Variants in ALDH5A1 observed in about 807,000 individuals in gnomAD.
The protein encoded by ALDH5A1 is aldehyde dehydrogenase 5 family member A1.
In ALDH5A1, 33 loss-of-function variants were observed where a neutral mutation model predicts 54.7. The ratio of observed to expected loss-of-function variants is 0.60; its 90% CI spans 0.46 to 0.81. The LOEUF (loss-of-function observed/expected upper bound fraction) is 0.81. Ranked by LOEUF, ALDH5A1 falls within the 30% of genes least tolerant of loss-of-function variation. The pLI, the probability that ALDH5A1 is intolerant of heterozygous loss-of-function variation, is 0.00. For synonymous variants in ALDH5A1, 294 were observed against 292.7 expected (o/e 1.00, Z -0.05); for missense variants, 657 against 711.0 (o/e 0.92, Z 0.86).
chr6:24,516,440 CAA>C lies in ALDH5A1; in HGVS notation c.870+1148_870+1149del, dbSNP rs34722994. Among the ~76,000 whole-genome samples, 3 of 70,172 alleles carry C rather than the reference CAA, an allele frequency of 4.3e-5. No individual in the cohort carries two copies. In the Admixed American group the frequency reaches 5.9e-4, roughly 14 times the overall value. The allele number at this position is 70,172 out of a possible 152,430, so 46.0% of individuals were successfully genotyped here. ...TGGGCGACAGAGTGAGACTCTGTCT[CAA>C]AAAAAAAAAAAAAAAAATTAAAAAT... On this transcript the variant is annotated intron_variant, in intron 5 of 9. Transcript: ENST00000357578.
intron 2 of ALDH5A1, 53 bp downstream of exon 2, chr6:24,502,659 C>A (rs994180999): frequency 2.3e-5 from 33 of 1,448,674 alleles, no homozygotes; most frequent in Non-Finnish European, 1.7e-5. Context: ...GGAATTTTTA[C>A]ACTAAACTTG....
At chr6:24,530,730 A>G (rs1759921221) in intron 8 of ALDH5A1, among the ~76,000 whole-genome samples, 1 of 152,244 alleles carries the variant, frequency 6.6e-6, no homozygotes, top group African/African-American at 2.4e-5. Context: ...TGGTGTTGCC[A>G]TTGCCTACAC....
chr6:24,523,320 A>G (rs956101480), intron 7 of ALDH5A1, among the ~76,000 whole-genome samples: 1 of 152,102 alleles, frequency 6.6e-6, no homozygotes, highest in Non-Finnish European at 1.5e-5. Context: ...AATAAGTAAA[A>G]AATTAATAAT....
At chr6:24,499,101 CAA>C (rs35062384) in intron 1 of ALDH5A1, among the ~76,000 whole-genome samples, 1,491 of 91,214 alleles carry the variant, frequency 0.016, 11 homozygotes, top group Non-Finnish European at 0.023. Context: ...GACTCTGTCT[CAA>C]AAAAAAAAAA....
intron 6 of ALDH5A1, 100 bp downstream of exon 6, chr6:24,520,644 G>C: frequency 6.7e-7 from 1 of 1,501,106 alleles, no homozygotes; most frequent in Non-Finnish European, 9.1e-7. Context: ...GTGTGTGTGT[G>C]TGTGCGTGTG....
rs1262777866 is a variant in ALDH5A1, at chr6:24,495,143, G to T, written c.147G>T (p.Gly49=). 5.6e-6 allele frequency: 8 copies of T among 1,416,122 alleles called. 1 individual carries two copies. In the Admixed American group the frequency reaches 2.1e-4, roughly 37 times the overall value. The allele number at this position is 1,416,122 out of a possible 1,614,324, so 87.7% of individuals were successfully genotyped here. Residue 49 remains glycine, a synonymous_variant, in exon 1 of 10, where the codon GGG becomes GGT. Transcript: ENST00000357578. ...CGGCCCAGCTCCGCTGCTACGCTGG[G>T]CGCCTGGCGGGCCTCTCTGCGGCGC... ...PGPAQLRCYA[G]RLAGLSAALL...
Position 24,528,576 on chromosome 6 carries a change from C to T in ALDH5A1, c.1343+410C>T, listed in dbSNP as rs543242026. Among the ~76,000 whole-genome samples the T allele has an allele frequency of 2.6e-5, 4 of 152,142 alleles. No individual in the cohort carries two copies. The East Asian group carries it at 7.7e-4, about 29-fold the overall frequency. On this transcript the variant is annotated intron_variant, in intron 8 of 9. Coordinates refer to ENST00000357578, the MANE Select transcript of ALDH5A1 (RefSeq NM_001080.3). ...ATGGGGTTTCACCATGTTGGCCAGG[C>T]TGGTCTCGAACTCCTGACCTCAGGT...
At chr6:24,497,397 G>C (rs1432548309) in intron 1 of ALDH5A1, among the ~76,000 whole-genome samples, 2 of 151,190 alleles carry the variant, frequency 1.3e-5, no homozygotes, top group Admixed American at 6.6e-5. Flanking sequence ...GCTAGCTACA[G>C]AGCGCTGATT....
intron 4 of ALDH5A1, among the ~76,000 whole-genome samples, chr6:24,510,318 A>G (rs1324795252): frequency 2.0e-5 from 3 of 152,160 alleles, no homozygotes; most frequent in African/African-American, 4.8e-5. Context: ...TGCTAAGTCC[A>G]TTTGTTCCAG....
chr6:24,525,120 A>C (rs1004116559), intron 7 of ALDH5A1, among the ~76,000 whole-genome samples: 13 of 152,254 alleles, frequency 8.5e-5, no homozygotes, highest in Non-Finnish European at 1.8e-4. Context: ...TTTAGTGTAC[A>C]TACTGTCATA....
chr6:24,499,571 C>T (rs560783486), intron 1 of ALDH5A1, among the ~76,000 whole-genome samples: 1 of 151,884 alleles, frequency 6.6e-6, no homozygotes, highest in Non-Finnish European at 1.5e-5. Flanking sequence ...TGGCTCACTG[C>T]AGCCTCAAAC....
intron 1 of ALDH5A1, among the ~76,000 whole-genome samples, chr6:24,499,249 G>A (rs974104819): frequency 2.0e-5 from 3 of 152,034 alleles, no homozygotes; most frequent in South Asian, 4.2e-4. Flanking sequence ...CCGAGATGGC[G>A]CCACTGTACT....
chr6:24,522,724 G>A, intron 6 of ALDH5A1, 43 bp from the exon 7 acceptor site: 1 of 1,610,450 alleles, frequency 6.2e-7, no homozygotes, highest in Non-Finnish European at 8.5e-7. Flanking sequence ...CAGGTCTGCA[G>A]CTTCTGACAG....
At chr6:24,495,837 G>C (rs1202090956) in intron 1 of ALDH5A1, among the ~76,000 whole-genome samples, 1 of 152,212 alleles carries the variant, frequency 6.6e-6, no homozygotes, top group Non-Finnish European at 1.5e-5. Context: ...ATCGGAAACG[G>C]AGAGAACTGT....
chr6:24,497,411 G>A (rs1389932824), intron 1 of ALDH5A1, among the ~76,000 whole-genome samples: 1 of 152,162 alleles, frequency 6.6e-6, no homozygotes, highest in South Asian at 2.1e-4. Context: ...GCTGATTGGT[G>A]TGTTTTTTAC....
In ALDH5A1 at chr6:24,495,078, G is replaced by A. The variant is rs1227540131; in HGVS notation, c.82G>A (p.Ala28Thr). 3.0e-6 allele frequency: 4 copies of A among 1,321,308 alleles called. No homozygotes were observed. Among genetic ancestry groups the A allele is most frequent in the South Asian group, 2.3e-5 (1 of 44,190 alleles). 81.8% of individuals were successfully genotyped at this position (1,321,308 alleles called of 1,614,324 possible). ...TCCAGGCTGCCGCCTCCGCCCCCGC[G>A]CCGGCGGCCTGGTCCCTGCCTCCGG... ...TFPGCRLRPR[A>T]GGLVPASGPA... Residue 28 changes from alanine (A) to threonine (T), a missense_variant, in exon 1 of 10, where the codon GCC (alanine) becomes ACC (threonine). Around this residue, in one of 2 missense-constraint regions of ALDH5A1, gnomAD observed 232 missense variants for 194.6 expected, o/e 1.19. Coordinates refer to ENST00000357578, the MANE Select transcript of ALDH5A1 (RefSeq NM_001080.3).
At position 24,494,992 on chromosome 6, in the gene ALDH5A1, G is replaced by C. The variant is rs746547321; in HGVS notation, c.-5G>C. ...CTGTTTCCTGTCGCCGTCGTTGCCC[G>C]GGCCATGGCGACCTGCATTTGGCTG... On this transcript the variant is annotated 5_prime_UTR_variant, in exon 1 of 10. Coordinates refer to ENST00000357578, the MANE Select transcript of ALDH5A1 (RefSeq NM_001080.3). The C allele has an allele frequency of 3.4e-5, 45 of 1,315,006 alleles. No homozygotes were observed. The highest frequency in any genetic ancestry group is 4.4e-5 in the Non-Finnish European group (45 of 1,033,374). 81.5% of individuals were successfully genotyped at this position (1,315,006 alleles called of 1,614,324 possible). A position where few individuals can be genotyped will look rare whatever the true frequency, so the allele number is the denominator to read the frequency against.
chr6:24,521,573 C>G (rs1030746359), intron 6 of ALDH5A1, among the ~76,000 whole-genome samples: 2 of 152,220 alleles, frequency 1.3e-5, no homozygotes, highest in African/African-American at 4.8e-5. Flanking sequence ...GTGATATTCT[C>G]TATCAAATAA....
intron 8 of ALDH5A1, among the ~76,000 whole-genome samples, chr6:24,528,702 C>CT (rs558159398): frequency 0.013 from 1,901 of 142,972 alleles, 31 homozygotes; most frequent in African/African-American, 0.038. Context: ...CTGCTGAACT[C>CT]TTTTTTTTTT....
Sources: allele counts gnomAD v4.1 joint callset (sites outside exome capture counted in the v4.1 genomes callset), GRCh38; gene constraint gnomAD v4.1.1; regional missense constraint gnomAD v4.1.1; transcripts MANE v1.5; gene names NCBI Gene and HGNC (gene_info 2026-07-23, HGNC 2026-07-21).